ASB3: variants seen among roughly 807,000 people sequenced by gnomAD.
ASB3 encodes the protein ankyrin repeat and SOCS box containing 3.
Under a neutral mutation model 54.5 loss-of-function variants are expected in ASB3, and 41 were observed. The ratio of observed to expected loss-of-function variants is 0.75; its 90% CI spans 0.59 to 0.98. The LOEUF is 0.98. Among genes scored for constraint, ASB3 ranks in the 50% least tolerant of loss-of-function variants. ASB3 has a pLI of 0.00. For synonymous variants in ASB3, 266 were observed against 221.2 expected (o/e 1.20, Z -1.80); for missense variants, 733 against 620.0 (o/e 1.18, Z -1.94).
At chr2:53,778,663 T>C (rs1403258837) in intron 1 of ASB3, among the ~76,000 whole-genome samples, 1 of 152,202 alleles carries the variant, frequency 6.6e-6, no homozygotes, top group Non-Finnish European at 1.5e-5. Context: ...TTGGCTTATC[T>C]CATTTAGCTT....
chr2:53,716,002 C>T (rs59294779), intron 6 of ASB3, among the ~76,000 whole-genome samples: 63,507 of 151,796 alleles, frequency 0.42, 13,596 homozygotes, highest in African/African-American at 0.48. Flanking sequence ...TTCTAAAAAT[C>T]ATTGACTGCC....
In ASB3 at chr2:53,774,281, T is replaced by G. The variant is rs148013512; in HGVS notation, c.-13-8696A>C. 4.3e-6 allele frequency: 7 copies of G among 1,613,996 alleles called. No individual in the cohort carries two copies. In the African/African-American group the frequency reaches 8.0e-5, roughly 18 times the overall value. On this transcript the variant is annotated intron_variant, in intron 1 of 9. Coordinates refer to ENST00000263634, the MANE Select transcript of ASB3 (RefSeq NM_016115.5). Reference sequence around the variant, plus strand: ...CCAAAAGATCCCACAACAAAACCATTCAGTGTATTGCTATATATTGGAACA... The same window carrying G: ...CCAAAAGATCCCACAACAAAACCATGCAGTGTATTGCTATATATTGGAACA...
At chr2:53,677,837 T>C (rs1363145393) in intron 9 of ASB3, among the ~76,000 whole-genome samples, 1 of 151,858 alleles carries the variant, frequency 6.6e-6, no homozygotes, top group Non-Finnish European at 1.5e-5. Flanking sequence ...GTATGGTTCT[T>C]CCATTAGCTA....
intron 2 of ASB3, among the ~76,000 whole-genome samples, chr2:53,756,677 T>A (rs1256774197): frequency 2.0e-5 from 3 of 152,140 alleles, no homozygotes; most frequent in Admixed American, 6.5e-5. Flanking sequence ...GTATGGGAGC[T>A]CTGTTTTCAC....
rs1427823753 is a variant in ASB3 at position 53,675,576 on chromosome 2, T to C, written c.1370-4886A>G. Among the ~76,000 whole-genome samples the C allele has an allele frequency of 3.3e-5, 5 of 152,176 alleles. 1 individual carries two copies. Among genetic ancestry groups the C allele is most frequent in the Admixed American group, 3.3e-4 (5 of 15,274 alleles). ...TGGGAGAAGTACACTGTGGCTTAGC[T>C]GAACTAAATCAGGATTCTATCTAGC... On this transcript the variant is annotated intron_variant, in intron 9 of 9. Transcript: ENST00000263634.
At chr2:53,730,999 C>T (rs10188142) in intron 3 of ASB3, among the ~76,000 whole-genome samples, 62,542 of 151,910 alleles carry the variant, frequency 0.41, 13,221 homozygotes, top group East Asian at 0.62. Context: ...AAATGATAAG[C>T]GTGCTTATTA....
intron 3 of ASB3, among the ~76,000 whole-genome samples, chr2:53,750,241 G>C (rs1672443236): frequency 6.6e-6 from 1 of 151,960 alleles, no homozygotes; most frequent in Admixed American, 6.5e-5. Flanking sequence ...AGGAGGAAAA[G>C]AAGAAAAAAG....
chr2:53,676,972 T>C (rs959817235), intron 9 of ASB3, among the ~76,000 whole-genome samples: 1 of 152,188 alleles, frequency 6.6e-6, no homozygotes, highest in African/African-American at 2.4e-5. Flanking sequence ...TTTCGCCATG[T>C]TGGCCAGGCT....
intron 1 of ASB3, chr2:53,774,640 C>A (rs1487982980): frequency 1.2e-5 from 9 of 748,462 alleles, no homozygotes; most frequent in African/African-American, 3.6e-5. Context: ...TTTATTTTAA[C>A]TGGAAATGTC....
chr2:53,784,479 T>C (rs1421997597), intron 1 of ASB3, among the ~76,000 whole-genome samples: 1 of 152,194 alleles, frequency 6.6e-6, no homozygotes, highest in African/African-American at 2.4e-5. Flanking sequence ...CAGCATAAAT[T>C]GATTGTCTCA....
At position 53,750,887 on chromosome 2, in the gene ASB3, T is replaced by C; in HGVS notation, c.251A>G (p.His84Arg). The C allele has an allele frequency of 6.2e-7, 1 of 1,602,114 alleles. No homozygotes were observed. Among genetic ancestry groups the C allele is most frequent in the Non-Finnish European group, 8.5e-7 (1 of 1,174,106 alleles). The change falls in exon 3 of 10, where the codon CAT becomes CGT. Residue 84 changes from histidine (H) to arginine (R), a missense_variant. Physicochemically the swap from His to Arg is conservative, Grantham distance 29 (BLOSUM62 0). Coordinates refer to ENST00000263634, the MANE Select transcript of ASB3 (RefSeq NM_016115.5). ...MKTFEGFCAL[H>R]LAASQGHWKI... Reference sequence around the variant, plus strand: ...CCAATGTCCTTGACTTGCAGCGAGATGCAAAGCACAGAAACCTTCAAAGGT... The same window carrying C: ...CCAATGTCCTTGACTTGCAGCGAGACGCAAAGCACAGAAACCTTCAAAGGT...
chr2:53,717,517 G>C (rs573476129), intron 5 of ASB3, among the ~76,000 whole-genome samples: 1 of 151,932 alleles, frequency 6.6e-6, no homozygotes, highest in Non-Finnish European at 1.5e-5. Context: ...TAATATTATA[G>C]TGAAAGAAAG....
intron 8 of ASB3, 107 bp from the exon 9 acceptor site, chr2:53,694,121 C>G: frequency 7.4e-7 from 1 of 1,348,630 alleles, no homozygotes; most frequent in Non-Finnish European, 1.0e-6. Flanking sequence ...ATGAGGAGGG[C>G]AGACAGAAAA....
chr2:53,784,645 C>G (rs879458767), intron 1 of ASB3, among the ~76,000 whole-genome samples: 9 of 152,214 alleles, frequency 5.9e-5, no homozygotes, highest in Non-Finnish European at 1.0e-4. Flanking sequence ...ATACTGCAAT[C>G]TTGCTGCCTC....
intron 3 of ASB3, among the ~76,000 whole-genome samples, chr2:53,745,189 CT>C (rs1421091161): frequency 6.6e-6 from 1 of 152,056 alleles, no homozygotes; most frequent in Non-Finnish European, 1.5e-5. Context: ...TTTACCTACC[CT>C]TAGAATATTT....
At chr2:53,777,304 C>T (rs1022788718) in intron 1 of ASB3, among the ~76,000 whole-genome samples, 3 of 152,196 alleles carry the variant, frequency 2.0e-5, no homozygotes, top group African/African-American at 7.2e-5. Context: ...TATCAAGTCT[C>T]CAATGACCAC....
intron 9 of ASB3, among the ~76,000 whole-genome samples, chr2:53,693,019 T>G (rs1668998833): frequency 6.6e-6 from 1 of 152,170 alleles, no homozygotes; most frequent in Non-Finnish European, 1.5e-5. Context: ...TTTACTTAAA[T>G]GTAATTTTCC....
At chr2:53,743,959 C>T (rs1672079050) in intron 3 of ASB3, among the ~76,000 whole-genome samples, 3 of 151,638 alleles carry the variant, frequency 2.0e-5, no homozygotes, top group African/African-American at 7.3e-5. Context: ...ACAAGAATCC[C>T]TTGAACCCTG....
At chr2:53,749,202 G>A (rs1265662502) in intron 3 of ASB3, among the ~76,000 whole-genome samples, 3 of 152,002 alleles carry the variant, frequency 2.0e-5, no homozygotes, top group African/African-American at 4.8e-5. Flanking sequence ...ATGAATAGAT[G>A]CTCAACATCA....
Sources: gnomAD v4.1 joint callset for allele counts (sites outside exome capture counted in the v4.1 genomes callset) on GRCh38, gnomAD v4.1.1 for gene constraint, MANE v1.5 for transcripts, NCBI Gene and HGNC (gene_info 2026-07-23, HGNC 2026-07-21) for gene names.